HOMER2: variants seen among roughly 807,000 people sequenced by gnomAD.
HOMER2 encodes homer scaffold protein 2.
Under a neutral mutation model 47.0 loss-of-function variants are expected in HOMER2, and 27 were observed. The observed-to-expected ratio is 0.57, with a 90% CI of 0.42 to 0.79. The LOEUF (loss-of-function observed/expected upper bound fraction) is 0.79, where lower values mean the gene tolerates loss of function less well. Among genes scored for constraint, HOMER2 ranks in the 30% least tolerant of loss-of-function variants. The pLI is 0.00. For missense variants in HOMER2, 443 were observed against 435.0 expected, an observed-to-expected ratio of 1.02 and a Z score of -0.16; for synonymous variants, 161 against 163.8, an observed-to-expected ratio of 0.98 and a Z score of 0.13.
chr15:82,948,828 G>A (rs2054438860), intron 1 of HOMER2, among the ~76,000 whole-genome samples: 2 of 152,226 alleles, frequency 1.3e-5, no homozygotes, highest in African/African-American at 2.4e-5. Context: ...TGGTCAGTGG[G>A]AGGTATTTAA....
At chr15:82,867,541 G>A (rs2052015348) in intron 3 of HOMER2, among the ~76,000 whole-genome samples, 1 of 152,062 alleles carries the variant, frequency 6.6e-6, no homozygotes, top group Non-Finnish European at 1.5e-5. Flanking sequence ...AAAAAATGCA[G>A]TAACAGCTTA....
At chr15:82,860,956 T>TGTGAGAGAGA (rs1555420264) in intron 4 of HOMER2, among the ~76,000 whole-genome samples, 2 of 42,386 alleles carry the variant, frequency 4.7e-5, no homozygotes, top group African/African-American at 1.7e-4. Context: ...AGATAGAAGA[T>TGTGAGAGAGA]GAGAGAGAGA....
rs552055205 is a variant in HOMER2, at chr15:82,849,971, C to T, written c.844-68G>A. ...GAGAGTCATCCTTCAAAACCTGCTA[C>T]AGCTGAACCAACCATTCTCCATCCA... is the stretch of plus-strand genomic sequence containing the variant. On this transcript the variant is annotated intron_variant, in intron 8 of 8. Coordinates refer to ENST00000450735, the MANE Select transcript of HOMER2 (RefSeq NM_004839.4). 1.2e-4 allele frequency: 173 copies of T among 1,493,008 alleles called. No individual in the cohort carries two copies. In the African/African-American group the frequency reaches 1.9e-3, roughly 17 times the overall value. 92.5% of individuals were successfully genotyped at this position (1,493,008 alleles called of 1,614,324 possible).
chr15:82,983,518 C>T (rs2030467259), intron 1 of HOMER2, among the ~76,000 whole-genome samples: 2 of 152,138 alleles, frequency 1.3e-5, no homozygotes, highest in Admixed American at 1.3e-4. Context: ...AGCCACTTTA[C>T]CTTATGGATA....
chr15:82,941,442 C>CAAAAA, intron 1 of HOMER2, among the ~76,000 whole-genome samples: 1 of 74,446 alleles, frequency 1.3e-5, no homozygotes, highest in Non-Finnish European at 2.5e-5. Context: ...GAGTCTGTCT[C>CAAAAA]AAAAAAAAAA....
chr15:82,955,294 C>T (rs577757428), upstream of HOMER2, among the ~76,000 whole-genome samples: 5 of 152,004 alleles, frequency 3.3e-5, no homozygotes, highest in East Asian at 9.7e-4. Context: ...CTCAGCCTCC[C>T]GAGTAGCTGG....
intron 1 of HOMER2, among the ~76,000 whole-genome samples, chr15:82,942,281 A>G (rs1363626451): frequency 6.6e-6 from 1 of 152,172 alleles, no homozygotes; most frequent in Non-Finnish European, 1.5e-5. Context: ...TAGCCCAGAG[A>G]AGGTACTCAA....
chr15:82,933,111 C>A (rs1260690449), intron 1 of HOMER2, among the ~76,000 whole-genome samples: 1 of 151,760 alleles, frequency 6.6e-6, no homozygotes, highest in Admixed American at 6.6e-5. Flanking sequence ...GATCAAGGAC[C>A]CCTTTGAAAA....
chr15:82,913,970 C>T lies in HOMER2; in HGVS notation c.6-21129G>A, dbSNP rs867984494. Among the ~76,000 whole-genome samples the T allele has an allele frequency of 9.2e-5, 14 of 152,180 alleles. No homozygotes were observed. Among genetic ancestry groups the T allele is most frequent in the Middle Eastern group, 3.4e-3 (1 of 294 alleles). On this transcript the variant is annotated intron_variant, in intron 1 of 8. Transcript: ENST00000450735. This position sits in a 1 kb window ranked among gnomAD's most constrained non-coding sequence, Gnocchi z 4.1. ...ATTCACAACAGCCACAAAGTAGAAACGACCCAAAGTCTATCAACAGATAAA... is the reference window on the plus strand; with the variant it reads ...ATTCACAACAGCCACAAAGTAGAAATGACCCAAAGTCTATCAACAGATAAA...
At chr15:82,929,813 C>G (rs1274375876) in intron 1 of HOMER2, among the ~76,000 whole-genome samples, 3 of 151,916 alleles carry the variant, frequency 2.0e-5, no homozygotes, top group African/African-American at 7.2e-5. Context: ...TCACCTCAAC[C>G]TCCGCCTGCT....
At chr15:82,930,980 G>A (rs2053992837) in intron 1 of HOMER2, among the ~76,000 whole-genome samples, 1 of 152,056 alleles carries the variant, frequency 6.6e-6, no homozygotes, top group African/African-American at 2.4e-5. Flanking sequence ...TGTGCCCTGT[G>A]CACCTCCTGC....
chr15:82,983,897 CCT>C (rs1433075357), intron 1 of HOMER2, among the ~76,000 whole-genome samples: 2 of 151,148 alleles, frequency 1.3e-5, no homozygotes, highest in Non-Finnish European at 3.0e-5. Context: ...CAGCTCCTTC[CCT>C]GATTTCTACC....
At chr15:82,970,999 G>C (rs2029966463) in intron 1 of HOMER2, among the ~76,000 whole-genome samples, 1 of 152,164 alleles carries the variant, frequency 6.6e-6, no homozygotes, top group Non-Finnish European at 1.5e-5. Flanking sequence ...ATGGCCCCTG[G>C]TAACTCCTGG....
intron 1 of HOMER2, among the ~76,000 whole-genome samples, chr15:82,898,780 G>C (rs1184798305): frequency 6.6e-6 from 1 of 152,240 alleles, no homozygotes; most frequent in Admixed American, 6.5e-5. Context: ...ACAAGAGAGA[G>C]AGAAATGATG....
At chr15:82,968,955 G>T (rs981256878) in intron 1 of HOMER2, among the ~76,000 whole-genome samples, 1 of 152,262 alleles carries the variant, frequency 6.6e-6, no homozygotes, top group African/African-American at 2.4e-5. Context: ...GTTGGCAAAG[G>T]TGACAGCAAA....
intron 1 of HOMER2, among the ~76,000 whole-genome samples, chr15:82,910,746 G>A (rs2053429000): frequency 6.6e-6 from 1 of 152,114 alleles, no homozygotes; most frequent in Non-Finnish European, 1.5e-5. Context: ...TCCTCAGATG[G>A]GAGTTTTTGT....
Position 82,915,593 on chromosome 15 carries a change from G to A in HOMER2, c.6-22752C>T, listed in dbSNP as rs1320675738. Among the ~76,000 whole-genome samples the A allele has an allele frequency of 1.3e-5, 2 of 152,188 alleles. 1 individual carries two copies. The highest frequency in any genetic ancestry group is 1.3e-4 in the Admixed American group (2 of 15,272). Reference sequence around the variant, plus strand: ...CCGGGCATGGTGGCACGTGCCTGTAGTCCCAGCTGCTGGGAGGCTAACGTG... The same window carrying A: ...CCGGGCATGGTGGCACGTGCCTGTAATCCCAGCTGCTGGGAGGCTAACGTG... On this transcript the variant is annotated intron_variant, in intron 1 of 8. Transcript: ENST00000450735.
At chr15:82,863,394 A>T (rs943974168) in intron 4 of HOMER2, among the ~76,000 whole-genome samples, 3 of 152,178 alleles carry the variant, frequency 2.0e-5, no homozygotes, top group African/African-American at 7.2e-5. Context: ...TAAATAAAAA[A>T]TTACCCAGTA....
downstream of HOMER2, among the ~76,000 whole-genome samples, chr15:82,848,004 G>T (rs1175067633): frequency 1.3e-5 from 2 of 152,198 alleles, no homozygotes; most frequent in Non-Finnish European, 2.9e-5. Context: ...TCCACTTCCT[G>T]TCTGCCAAAA....
Sources: gnomAD v4.1 joint callset for allele counts (sites outside exome capture counted in the v4.1 genomes callset) on GRCh38, gnomAD v4.1.1 for gene constraint, Gnocchi (gnomAD v3.1) non-coding constraint, MANE v1.5 for transcripts, NCBI Gene and HGNC (gene_info 2026-07-23, HGNC 2026-07-21) for gene names.